Variants in STAT3 observed in about 807,000 individuals in gnomAD.
STAT3 encodes the protein signal transducer and activator of transcription 3.
Under a neutral mutation model 114.3 loss-of-function variants are expected in STAT3, and 7 were observed. The observed-to-expected ratio is 0.06, with a 90% CI of 0.03 to 0.11. The LOEUF (loss-of-function observed/expected upper bound fraction) is 0.11, where lower values mean the gene tolerates loss of function less well. STAT3 is among the 10% of genes least tolerant of loss of function. The pLI, the probability that STAT3 is intolerant of heterozygous loss-of-function variation, is 1.00. For synonymous variants in STAT3, 331 were observed against 354.5 expected (o/e 0.93, Z 0.74); for missense variants, 364 against 960.9 (o/e 0.38, Z 8.21).
chr17:42,317,742 C>T (rs1598382282), intron 21 of STAT3, among the ~76,000 whole-genome samples: 4 of 152,310 alleles, frequency 2.6e-5, no homozygotes, highest in Non-Finnish European at 4.4e-5. Context: ...TCTCTTATTC[C>T]TACCAGCACT....
At chr17:42,384,422 G>A (rs987394248) in intron 1 of STAT3, among the ~76,000 whole-genome samples, 2 of 151,254 alleles carry the variant, frequency 1.3e-5, no homozygotes, top group Admixed American at 6.6e-5. Flanking sequence ...GAGCCACCGC[G>A]CCCGGCGCCC....
chr17:42,316,678 A>T (rs745575806), intron 23 of STAT3, 111 bp downstream of exon 23: 1 of 1,556,064 alleles, frequency 6.4e-7, no homozygotes, highest in South Asian at 1.2e-5. Context: ...GCAAAGCTCT[A>T]GAATCTCCTA....
intron 5 of STAT3, 36 bp downstream of exon 5, chr17:42,339,278 G>T: frequency 1.0e-4 from 150 of 1,467,712 alleles, no homozygotes; most frequent in Non-Finnish European, 1.3e-4. Flanking sequence ...AAAAATTAAT[G>T]AAAGCTCCCT....
At position 42,314,446 on chromosome 17, in the gene STAT3, A is replaced by G. The variant is rs1259793267; in HGVS notation, c.*1299T>C. The G allele has an allele frequency of 4.6e-6, 1 of 216,150 alleles. No homozygotes were observed. The highest frequency in any genetic ancestry group is 9.3e-6 in the Non-Finnish European group (1 of 107,990). 13.4% of individuals were successfully genotyped at this position (216,150 alleles called of 1,614,324 possible). A position where few individuals can be genotyped will look rare whatever the true frequency, so the allele number is the denominator to read the frequency against. ...GAGGGACCTTTAGACACGCAAGGAG[A>G]CATGCCTCTAGCAGGATCAGGGGGA... is the stretch of plus-strand genomic sequence containing the variant. On this transcript the variant is annotated 3_prime_UTR_variant, in exon 24 of 24. Transcript: ENST00000264657.
chr17:42,341,205 T>C (rs541440628), intron 4 of STAT3, among the ~76,000 whole-genome samples: 1 of 152,342 alleles, frequency 6.6e-6, no homozygotes, highest in South Asian at 2.1e-4. Flanking sequence ...CCACCTCTAA[T>C]ACCTTCGTAA....
chr17:42,332,072 C>A (rs966886822), intron 10 of STAT3, among the ~76,000 whole-genome samples: 2 of 151,588 alleles, frequency 1.3e-5, no homozygotes, highest in African/African-American at 4.8e-5. Context: ...GGATTACAGG[C>A]GCGCGCCACC....
chr17:42,378,216 T>C (rs1443956703), intron 1 of STAT3, among the ~76,000 whole-genome samples: 1 of 151,700 alleles, frequency 6.6e-6, no homozygotes, highest in Non-Finnish European at 1.5e-5. Context: ...CCTGCCCCTA[T>C]GTATAAGCGT....
rs1801602403 is a variant in STAT3, at chr17:42,317,263, T to A, written c.2102-39A>T. On this transcript the variant is annotated intron_variant, in intron 21 of 23. Transcript: ENST00000264657. ...AACCAGTTTTCTTACTGACTGTGAC[T>A]TCGCATTCAGTAAGCAGAGCTGGAG... 3 of 1,608,528 alleles carry A rather than the reference T, an allele frequency of 1.9e-6. No individual in the cohort carries two copies. In the African/African-American group the frequency reaches 4.0e-5, roughly 21 times the overall value.
chr17:42,332,492 C>T (rs1385905372), intron 10 of STAT3, among the ~76,000 whole-genome samples: 6 of 132,070 alleles, frequency 4.5e-5, no homozygotes, highest in African/African-American at 1.7e-4. Context: ...GATCCGAGAT[C>T]ACACCTCAGC....
intron 1 of STAT3, among the ~76,000 whole-genome samples, chr17:42,352,212 G>A (rs973631171): frequency 5.3e-4 from 80 of 152,000 alleles, no homozygotes; most frequent in African/African-American, 1.9e-3. Flanking sequence ...GGTGGTGGCC[G>A]TCTGTAATCC....
In STAT3 at chr17:42,333,848, G is replaced by C; in HGVS notation, c.956+43C>G. On this transcript the variant is annotated intron_variant, in intron 9 of 23. Transcript: ENST00000264657. The surrounding 1 kb of genome is among the most constrained non-coding windows in gnomAD (Gnocchi z 5.2). ...TCTCACTCTACCACGTGAGTCTTTA[G>C]GTATTTTTTAGATGAGGGAAAGGGA... 6.2e-7 allele frequency: 1 copy of C among 1,614,086 alleles called. No individual in the cohort carries two copies. The highest frequency in any genetic ancestry group is 8.5e-7 in the Non-Finnish European group (1 of 1,180,012).
At chr17:42,351,502 T>TA (rs1198722322) in intron 1 of STAT3, among the ~76,000 whole-genome samples, 1 of 152,066 alleles carries the variant, frequency 6.6e-6, no homozygotes, top group African/African-American at 2.4e-5. Context: ...GCCAAGAGTA[T>TA]AGGCTTGAGC....
chr17:42,334,236 TAAGAA>T (rs1417640935), intron 8 of STAT3, among the ~76,000 whole-genome samples, 187 bp from the exon 9 acceptor site: 3 of 152,060 alleles, frequency 2.0e-5, no homozygotes, highest in Admixed American at 6.6e-5. Flanking sequence ...TCAGTGACAT[TAAGAA>T]AAGAGGAATT....
At position 42,351,071 on chromosome 17, in the gene STAT3, C is replaced by T. The variant is rs539637519; in HGVS notation, c.-23-2532G>A. Among the ~76,000 whole-genome samples, 8 of 141,826 alleles carry T rather than the reference C, an allele frequency of 5.6e-5. No homozygotes were observed. The South Asian group carries it at 1.7e-3, about 31-fold the overall frequency. 93.0% of individuals were successfully genotyped at this position (141,826 alleles called of 152,430 possible). A position where few individuals can be genotyped will look rare whatever the true frequency, so the allele number is the denominator to read the frequency against. ...GCTTGAACCCAGGAGGAGGAGGTTGCAGTGAGCCGAGATCGTGCCACTGCA... is the reference window on the plus strand; with the variant it reads ...GCTTGAACCCAGGAGGAGGAGGTTGTAGTGAGCCGAGATCGTGCCACTGCA... On this transcript the variant is annotated intron_variant, in intron 1 of 23. Coordinates refer to ENST00000264657, the MANE Select transcript of STAT3 (RefSeq NM_139276.3).
intron 1 of STAT3, among the ~76,000 whole-genome samples, chr17:42,364,888 A>T (rs1337275631): frequency 6.6e-6 from 1 of 152,214 alleles, no homozygotes; most frequent in African/African-American, 2.4e-5. Flanking sequence ...AAATTTATTC[A>T]GGTCACTTTC....
chr17:42,323,090 T>C lies in STAT3; in HGVS notation c.1802A>G (p.Lys601Arg), dbSNP rs759905653. The C allele has an allele frequency of 1.9e-6, 3 of 1,614,190 alleles. No homozygotes were observed. Among genetic ancestry groups the C allele is most frequent in the Non-Finnish European group, 2.5e-6 (3 of 1,180,026 alleles). The change falls in exon 20 of 24, where the codon AAG (lysine) becomes AGG (arginine). Residue 601 changes from lysine to arginine, a missense_variant. Transcript: ENST00000264657. ...KERERAILST[K>R]PPGTFLLRFS... ...TCTTAGCAGGAAGGTGCCTGGAGGC[T>C]TAGTGCTCAAGATGGCCCGCTCCCG...
chr17:42,348,823 G>T (rs1056636305), intron 1 of STAT3, among the ~76,000 whole-genome samples: 1 of 151,884 alleles, frequency 6.6e-6, no homozygotes, highest in African/African-American at 2.4e-5. Flanking sequence ...AACACACCCA[G>T]CCTGTTTCTC....
At chr17:42,388,084 CCCGAGTCCCTT>C in intron 1 of STAT3, 184 bp downstream of exon 1, 1 of 634,370 alleles carries the variant, frequency 1.6e-6, no homozygotes, top group Non-Finnish European at 2.3e-6. Context: ...CCTCCAGCGC[CCCGAGTCCCTT>C]CCGAGGCCCG....
chr17:42,359,242 T>G (rs1449145299), intron 1 of STAT3, among the ~76,000 whole-genome samples: 1 of 152,028 alleles, frequency 6.6e-6, no homozygotes, highest in Non-Finnish European at 1.5e-5. Flanking sequence ...AGCCAGATAT[T>G]TCTTATCTTA....
Sources: allele counts gnomAD v4.1 joint callset (sites outside exome capture counted in the v4.1 genomes callset), GRCh38; gene constraint gnomAD v4.1.1; non-coding constraint Gnocchi (gnomAD v3.1); transcripts MANE v1.5; gene names NCBI Gene and HGNC (gene_info 2026-07-23, HGNC 2026-07-21).